LDAH: variants seen among roughly 807,000 people sequenced by gnomAD.
LDAH encodes the protein lipid droplet-associated hydrolase.
A neutral mutation model predicts 29.6 loss-of-function variants in LDAH; 26 were observed. The ratio of observed to expected loss-of-function variants is 0.88; its 90% CI spans 0.64 to 1.22. LDAH has a LOEUF of 1.22. LDAH is among the 50% of genes most tolerant of loss of function. The pLI, the probability that LDAH is intolerant of heterozygous loss-of-function variation, is 0.00. For missense variants in LDAH, 344 were observed against 387.3 expected, an observed-to-expected ratio of 0.89 and a Z score of 0.94; for synonymous variants, 117 against 133.0, an observed-to-expected ratio of 0.88 and a Z score of 0.83.
chr2:20,686,793 C>T lies in LDAH; in HGVS notation c.*110G>A. On this transcript the variant is annotated 3_prime_UTR_variant, in exon 7 of 7. Transcript: ENST00000237822. ...AGTTGGTTTGTAAGACAAAGGTTCT[C>T]ACTTTCTTCATTTCTAATATCAGTC... 1 of 1,025,514 alleles carries T rather than the reference C, an allele frequency of 9.8e-7. No individual in the cohort carries two copies. The highest frequency in any genetic ancestry group is 1.7e-5 in the South Asian group (1 of 59,956). The allele number at this position is 1,025,514 out of a possible 1,614,324, so 63.5% of individuals were successfully genotyped here.
At chr2:20,699,156 C>T (rs967145753) in intron 6 of LDAH, among the ~76,000 whole-genome samples, 17 of 152,150 alleles carry the variant, frequency 1.1e-4, no homozygotes. Context: ...AATGATTTTT[C>T]AACAAAATGT....
At position 20,747,969 on chromosome 2, in the gene LDAH, G is replaced by T. The variant is rs149269336; in HGVS notation, c.469-7764C>A. On this transcript the variant is annotated intron_variant, in intron 4 of 6. Coordinates refer to ENST00000237822, the MANE Select transcript of LDAH (RefSeq NM_021925.4). ...ACCTTTATATATACTATATATTTAC[G>T]TACAAAATAAGTTATTTGTAATTGT... is the stretch of plus-strand genomic sequence containing the variant. 1.7e-3 allele frequency among the ~76,000 whole-genome samples: 255 copies of T among 152,078 alleles called. 5 individuals carry two copies. The East Asian group carries it at 0.044, about 26-fold the overall frequency.
chr2:20,739,929 T>C lies in LDAH; in HGVS notation c.703+42A>G, dbSNP rs532035886. On this transcript the variant is annotated intron_variant, in intron 5 of 6. Transcript: ENST00000237822. Reference sequence around the variant, plus strand: ...CAGAGAGTATTGTGTAAACATTTTGTGATACAAGAATAAACATACACATTT... The same window carrying C: ...CAGAGAGTATTGTGTAAACATTTTGCGATACAAGAATAAACATACACATTT... 59 of 1,452,276 alleles carry C rather than the reference T, an allele frequency of 4.1e-5. 1 individual carries two copies. In the South Asian group the frequency reaches 6.5e-4, roughly 16 times the overall value. 90.0% of individuals were successfully genotyped at this position (1,452,276 alleles called of 1,614,324 possible).
chr2:20,801,011 T>C (rs1445549504), intron 2 of LDAH, among the ~76,000 whole-genome samples: 1 of 152,030 alleles, frequency 6.6e-6, no homozygotes, highest in African/African-American at 2.4e-5. Context: ...ATTGATGAAG[T>C]TTTAAATATT....
chr2:20,703,384 CTTA>C (rs1664089553), intron 5 of LDAH, among the ~76,000 whole-genome samples: 1 of 152,190 alleles, frequency 6.6e-6, no homozygotes, highest in Non-Finnish European at 1.5e-5. Context: ...TTCTTGATAA[CTTA>C]TTGATTACCC....
chr2:20,738,119 G>A (rs1025811701), intron 5 of LDAH, among the ~76,000 whole-genome samples: 3 of 151,806 alleles, frequency 2.0e-5, no homozygotes, highest in African/African-American at 7.3e-5. Context: ...GGTCACAGTG[G>A]TGCTTGCCTG....
Position 20,735,439 on chromosome 2 carries a change from A to G in LDAH, c.703+4532T>C, listed in dbSNP as rs1572507682. Among the ~76,000 whole-genome samples, 3 of 151,646 alleles carry G rather than the reference A, an allele frequency of 2.0e-5. 1 individual carries two copies. Among genetic ancestry groups the G allele is most frequent in the African/African-American group, 7.3e-5 (3 of 41,344 alleles). ...ATTGAGATTTTAAATTTGTTCTAAA[A>G]TTTCCACTCAGTTTTTTTTTAATCT... On this transcript the variant is annotated intron_variant, in intron 5 of 6. Transcript: ENST00000237822.
chr2:20,816,998 T>A (rs1672898427), intron 1 of LDAH, among the ~76,000 whole-genome samples: 1 of 151,916 alleles, frequency 6.6e-6, no homozygotes, highest in East Asian at 1.9e-4. Flanking sequence ...AGGAAAAATT[T>A]AAACTATATA....
intron 4 of LDAH, among the ~76,000 whole-genome samples, chr2:20,741,568 G>C (rs111437253): frequency 0.032 from 4,851 of 152,132 alleles, 265 homozygotes; most frequent in African/African-American, 0.11. Context: ...AGGAAAAAAC[G>C]TTATTACTTC....
chr2:20,823,075 CT>C lies in LDAH; in HGVS notation c.-42del, dbSNP rs1673453294. ...AGGCTGCCCGCTCTCCCTGAGGGTC[CT>C]GGGAAGGCGGCACGAGACCGGAAGT... On this transcript the variant is annotated 5_prime_UTR_variant, in exon 1 of 7. Transcript: ENST00000237822. The C allele has an allele frequency of 6.6e-6, 1 of 152,332 alleles. No individual in the cohort carries two copies. 9.4% of individuals were successfully genotyped at this position (152,332 alleles called of 1,614,324 possible). A position where few individuals can be genotyped will look rare whatever the true frequency, so the allele number is the denominator to read the frequency against.
chr2:20,805,794 A>G (rs1467656147), intron 1 of LDAH, among the ~76,000 whole-genome samples: 1 of 152,052 alleles, frequency 6.6e-6, no homozygotes, highest in East Asian at 1.9e-4. Flanking sequence ...GTTCAAATTT[A>G]TAATATTTGT....
chr2:20,743,805 T>C (rs1667377178), intron 4 of LDAH, among the ~76,000 whole-genome samples: 1 of 151,508 alleles, frequency 6.6e-6, no homozygotes, highest in Non-Finnish European at 1.5e-5. Flanking sequence ...TTCTTGTTTC[T>C]TTCTCTCGTT....
intron 5 of LDAH, among the ~76,000 whole-genome samples, chr2:20,735,341 AT>A (rs1331261860): frequency 1.3e-5 from 2 of 151,612 alleles, no homozygotes; most frequent in Non-Finnish European, 2.9e-5. Flanking sequence ...CTATTGGATA[AT>A]TTCTATTAAT....
chr2:20,785,729 T>C (rs1670499596), intron 3 of LDAH, among the ~76,000 whole-genome samples: 1 of 152,234 alleles, frequency 6.6e-6, no homozygotes, highest in Non-Finnish European at 1.5e-5. Flanking sequence ...CTCTTTGCAT[T>C]TCAGTTAGGA....
chr2:20,778,542 C>T (rs1669968986), intron 3 of LDAH, among the ~76,000 whole-genome samples: 1 of 152,112 alleles, frequency 6.6e-6, no homozygotes, highest in Non-Finnish European at 1.5e-5. Flanking sequence ...ACTGAATTGA[C>T]TACTCTGACA....
chr2:20,816,176 T>G (rs2125160577), intron 1 of LDAH, among the ~76,000 whole-genome samples: 1 of 152,098 alleles, frequency 6.6e-6, no homozygotes, highest in South Asian at 2.1e-4. Flanking sequence ...TCTGAAAATA[T>G]TCAAGCAACC....
chr2:20,818,233 G>C (rs913949572), intron 1 of LDAH, among the ~76,000 whole-genome samples: 2 of 152,040 alleles, frequency 1.3e-5, no homozygotes, highest in East Asian at 1.9e-4. Context: ...TCCCTGTAAA[G>C]TTTTTTGCAA....
chr2:20,791,886 C>T (rs1227762199), intron 2 of LDAH, among the ~76,000 whole-genome samples: 1 of 152,020 alleles, frequency 6.6e-6, no homozygotes, highest in African/African-American at 2.4e-5. Flanking sequence ...ATCTTCAGAC[C>T]CAATACTACA....
At chr2:20,690,367 C>T (rs956556506) in intron 6 of LDAH, among the ~76,000 whole-genome samples, 1 of 152,186 alleles carries the variant, frequency 6.6e-6, no homozygotes, top group African/African-American at 2.4e-5. Flanking sequence ...TTTTATTTCT[C>T]GATTCTCTAC....
Sources: allele counts gnomAD v4.1 joint callset (sites outside exome capture counted in the v4.1 genomes callset), GRCh38; gene constraint gnomAD v4.1.1; transcripts MANE v1.5; gene names NCBI Gene and HGNC (gene_info 2026-07-23, HGNC 2026-07-21).